The following RRM2 variants were observed in gnomAD, a reference collection of about 807,000 sequenced individuals.
RRM2 encodes ribonucleoside-diphosphate reductase subunit M2.
A neutral mutation model predicts 45.9 loss-of-function variants in RRM2; 6 were observed. The observed-to-expected ratio is 0.13, with a 90% confidence interval of 0.07 to 0.26. RRM2 has a LOEUF of 0.26. Ranked by LOEUF, RRM2 falls within the 10% of genes least tolerant of loss-of-function variation. The pLI is 1.00. For synonymous variants in RRM2, 177 were observed against 173.0 expected (o/e 1.02, Z -0.18); for missense variants, 343 against 489.5 (o/e 0.70, Z 2.82).
rs914396069 is a variant in RRM2, at chr2:10,171,120, C to T, written n.482+28745C>T. ...AGGCTGCGCCACTCATTATAGGCTG[C>T]GGGGCCTGCACAGACCCCAGGCATC... On this transcript the variant is annotated intron_variant and non_coding_transcript_variant, in intron 3 of 3. Coordinates refer to the RRM2 transcript ENST00000381786. This position sits in a 1 kb window ranked among gnomAD's most constrained non-coding sequence, Gnocchi z 4.1. Among the ~76,000 whole-genome samples the T allele has an allele frequency of 4.6e-5, 7 of 152,204 alleles. No homozygotes were observed. Among genetic ancestry groups the T allele is most frequent in the Admixed American group, 6.5e-5 (1 of 15,288 alleles).
downstream of RRM2, among the ~76,000 whole-genome samples, chr2:10,135,950 C>T (rs1354891752): frequency 2.6e-5 from 4 of 152,016 alleles, no homozygotes; most frequent in Admixed American, 2.6e-4. Flanking sequence ...GCCATATTCT[C>T]TTAGTCATGT....
At position 10,205,820 on chromosome 2, in the gene RRM2, T is replaced by C. The variant is rs572659848; in HGVS notation, n.483-4491T>C. On this transcript the variant is annotated intron_variant and non_coding_transcript_variant, in intron 3 of 3. Transcript: ENST00000381786. The surrounding 1 kb of genome is among the most constrained non-coding windows in gnomAD (Gnocchi z 4.8). The stretch of plus-strand genomic sequence containing the variant: ...GATTCTCCTGCCTCAGCCTCTGGAG[T>C]AGCTGGGACTACAGGCACCTGCCAC... Among the ~76,000 whole-genome samples the C allele has an allele frequency of 1.3e-3, 197 of 152,112 alleles. 2 individuals are homozygous for C. The highest frequency in any genetic ancestry group is 2.3e-3 in the Non-Finnish European group (156 of 67,984).
downstream of RRM2, among the ~76,000 whole-genome samples, chr2:10,132,780 C>T (rs1374664607): frequency 6.6e-6 from 1 of 152,186 alleles, no homozygotes; most frequent in Non-Finnish European, 1.5e-5. Context: ...GCCTATTGCA[C>T]AAGTTCGGGG....
Position 10,122,967 on chromosome 2 carries a change from A to T in RRM2, c.100-16A>T. The T allele has an allele frequency of 6.5e-7, 1 of 1,548,144 alleles. No individual in the cohort carries two copies. Among genetic ancestry groups the T allele is most frequent in the Non-Finnish European group, 8.7e-7 (1 of 1,151,478 alleles). ...GAAAGCGAAGCCGCTCCTCACTCAC[A>T]CGCGTCTCCCCGCAGCCGCCGGCCC... On this transcript the variant is annotated splice_polypyrimidine_tract_variant and intron_variant, in intron 1 of 9. Coordinates refer to ENST00000304567, the MANE Select transcript of RRM2 (RefSeq NM_001034.4).
downstream of RRM2, among the ~76,000 whole-genome samples, chr2:10,132,729 C>A (rs1662923649): frequency 6.6e-6 from 1 of 152,188 alleles, no homozygotes; most frequent in African/African-American, 2.4e-5. Flanking sequence ...TAAAAGTGTT[C>A]AGTTAAGGTC....
At chr2:10,191,595 C>A (rs775575882) in intron 3 of RRM2, among the ~76,000 whole-genome samples, 4 of 152,072 alleles carry the variant, frequency 2.6e-5, no homozygotes, top group Non-Finnish European at 4.4e-5. Flanking sequence ...TGAGTTGGAG[C>A]GGAGCAGGGG....
Position 10,171,461 on chromosome 2 carries a change from G to A in RRM2, n.482+29086G>A, listed in dbSNP as rs1337562775. Among the ~76,000 whole-genome samples the A allele has an allele frequency of 6.6e-6, 1 of 152,232 alleles. No homozygotes were observed. Among genetic ancestry groups the A allele is most frequent in the Non-Finnish European group, 1.5e-5 (1 of 68,038 alleles). On this transcript the variant is annotated intron_variant and non_coding_transcript_variant, in intron 3 of 3. Coordinates refer to the RRM2 transcript ENST00000381786. The surrounding 1 kb of genome is among the most constrained non-coding windows in gnomAD (Gnocchi z 4.1). ...AGGGCAGCCCCGGCCCTTCATGTCA[G>A]CTGGTGACATTTCTGCAATTGTTCC...
At chr2:10,167,971 G>A (rs1408412337) in intron 3 of RRM2, among the ~76,000 whole-genome samples, 1 of 151,574 alleles carries the variant, frequency 6.6e-6, no homozygotes, top group Non-Finnish European at 1.5e-5. Context: ...ACTTTGTTCT[G>A]TGTTTGGGGG....
upstream of RRM2, chr2:10,122,733 T>TC (rs1317583738): frequency 6.4e-7 from 1 of 1,551,480 alleles, no homozygotes; most frequent in East Asian, 2.4e-5. Flanking sequence ...GAGTGAGGGG[T>TC]CGCCCGTGCA....
intron 3 of RRM2, among the ~76,000 whole-genome samples, chr2:10,177,707 CTCT>C (rs796313890): frequency 7.0e-4 from 104 of 148,234 alleles, no homozygotes; most frequent in African/African-American, 2.5e-3. Flanking sequence ...TCCTTCCTTC[CTCT>C]CTCCCTCCCT....
At position 10,203,971 on chromosome 2, in the gene RRM2, C is replaced by T. The variant is rs546127869; in HGVS notation, n.483-6340C>T. On this transcript the variant is annotated intron_variant and non_coding_transcript_variant, in intron 3 of 3. Transcript: ENST00000381786. ...AGTGCACCCCCAGAGACTGCTGGTGCTTCCTGCTAGCTGGATCCCCAGAGC... is the reference window on the plus strand; with the variant it reads ...AGTGCACCCCCAGAGACTGCTGGTGTTTCCTGCTAGCTGGATCCCCAGAGC... Among the ~76,000 whole-genome samples the T allele has an allele frequency of 2.3e-4, 35 of 152,164 alleles. No individual in the cohort carries two copies. The South Asian group carries it at 7.3e-3, about 32-fold the overall frequency.
At position 10,163,379 on chromosome 2, in the gene RRM2, C is replaced by T. The variant is rs960118747; in HGVS notation, n.482+21004C>T. Among the ~76,000 whole-genome samples the T allele has an allele frequency of 4.4e-4, 67 of 151,976 alleles. 1 individual carries two copies. Among genetic ancestry groups the T allele is most frequent in the Admixed American group, 1.8e-3 (27 of 15,278 alleles). Reference sequence around the variant, plus strand: ...GCTGTCTCTGGGGCTGGGGCCAAGCCCACCACCTGCAGGGGGCACCAAGCT... The same window carrying T: ...GCTGTCTCTGGGGCTGGGGCCAAGCTCACCACCTGCAGGGGGCACCAAGCT... On this transcript the variant is annotated intron_variant and non_coding_transcript_variant, in intron 3 of 3. Coordinates refer to the RRM2 transcript ENST00000381786.
At chr2:10,182,084 T>C (rs1259353435) in intron 3 of RRM2, among the ~76,000 whole-genome samples, 1 of 152,126 alleles carries the variant, frequency 6.6e-6, no homozygotes, top group East Asian at 1.9e-4. Flanking sequence ...GATACTCTTT[T>C]CTGACATTGA....
chr2:10,199,800 A>AAAAAAAAAAAACAAAAAAAAAC (rs1572534126), intron 3 of RRM2, among the ~76,000 whole-genome samples: 1 of 97,884 alleles, frequency 1.0e-5, no homozygotes, highest in Non-Finnish European at 1.9e-5. Flanking sequence ...AAAAAAAAAA[A>AAAAAAAAAAAACAAAAAAAAAC]AAAAAAAAAC....
intron 3 of RRM2, among the ~76,000 whole-genome samples, chr2:10,177,704 T>TCCC (rs1558398456): frequency 6.8e-5 from 10 of 146,946 alleles, no homozygotes; most frequent in African/African-American, 2.6e-4. Context: ...CCTTCCTTCC[T>TCCC]TCCTCTCTCC....
chr2:10,209,029 GTTTCTTTC>G (rs56795856), intron 3 of RRM2, among the ~76,000 whole-genome samples: 133 of 135,972 alleles, frequency 9.8e-4, no homozygotes, highest in East Asian at 6.7e-3. Context: ...GCAGAAAGTG[GTTTCTTTC>G]TTTCTTTCTT....
chr2:10,141,517 G>A, exon 1 of RRM2: 2 of 327,114 alleles, frequency 6.1e-6, no homozygotes, highest in Middle Eastern at 9.9e-4. Context: ...GCCAGCAGAG[G>A]TCTGGGCACA....
At chr2:10,162,631 T>C (rs1180790931) in intron 3 of RRM2, among the ~76,000 whole-genome samples, 2 of 152,094 alleles carry the variant, frequency 1.3e-5, no homozygotes, top group Non-Finnish European at 2.9e-5. Flanking sequence ...GCACCGTGAG[T>C]TAGCCTTAGA....
rs1292818707 is a variant in RRM2 at position 10,191,697 on chromosome 2, C to G, written n.483-18614C>G. 2.6e-5 allele frequency among the ~76,000 whole-genome samples: 4 copies of G among 152,256 alleles called. No individual in the cohort carries two copies. The East Asian group carries it at 5.8e-4, about 22-fold the overall frequency. On this transcript the variant is annotated intron_variant and non_coding_transcript_variant, in intron 3 of 3. Coordinates refer to the RRM2 transcript ENST00000381786. ...AGGGCTCAGGACCCAGGGGCTCACC[C>G]AGCCCTCCTGACCAGGCTAACCTGC...
Sources: allele counts gnomAD v4.1 joint callset (sites outside exome capture counted in the v4.1 genomes callset), GRCh38; gene constraint gnomAD v4.1.1; non-coding constraint Gnocchi (gnomAD v3.1); transcripts MANE v1.5; gene names NCBI Gene and HGNC (gene_info 2026-07-23, HGNC 2026-07-21).